The following TRAK2 variants were observed in gnomAD, a reference collection of about 807,000 sequenced individuals.
TRAK2 encodes trafficking kinesin-binding protein 2.
In TRAK2, 81 loss-of-function variants were observed where a neutral mutation model predicts 104.6. That is an observed-to-expected ratio of 0.77 (90% CI 0.65 to 0.93). The LOEUF (loss-of-function observed/expected upper bound fraction) is 0.93, where lower values mean the gene tolerates loss of function less well. Ranked by LOEUF, TRAK2 falls within the 40% of genes least tolerant of loss-of-function variation. TRAK2 has a pLI of 0.00. For synonymous variants in TRAK2, 406 were observed against 394.4 expected (o/e 1.03, Z -0.35); for missense variants, 1,002 against 1,089.0 (o/e 0.92, Z 1.12).
At chr2:201,405,738 A>G (rs1951587902) in intron 3 of TRAK2, among the ~76,000 whole-genome samples, 1 of 152,138 alleles carries the variant, frequency 6.6e-6, no homozygotes, top group African/African-American at 2.4e-5. Context: ...TAATCCCAGC[A>G]CTCTGGGAGG....
chr2:201,385,458 G>A (rs767143676), intron 14 of TRAK2, among the ~76,000 whole-genome samples: 31 of 151,888 alleles, frequency 2.0e-4, no homozygotes, highest in African/African-American at 7.5e-4. Flanking sequence ...TTACAGGTGT[G>A]AGCTACCACA....
chr2:201,413,843 T>C (rs1250174998), intron 2 of TRAK2, among the ~76,000 whole-genome samples: 4 of 152,260 alleles, frequency 2.6e-5, no homozygotes, highest in South Asian at 4.2e-4. Context: ...CAACATACAG[T>C]ATTAGTCCTA....
chr2:201,421,619 T>TC lies in TRAK2; in HGVS notation c.-199-914dup, dbSNP rs576022240. ...TGAGAACCACTGATAAAACAGATGC[T>TC]CAACTTCACTCACAATTAAAACAAA... On this transcript the variant is annotated intron_variant, in intron 1 of 15. Transcript: ENST00000332624. Among the ~76,000 whole-genome samples the TC allele has an allele frequency of 4.3e-3, 651 of 152,148 alleles. 3 individuals carry two copies. The highest frequency in any genetic ancestry group is 7.2e-3 in the Non-Finnish European group (487 of 68,006).
intron 1 of TRAK2, among the ~76,000 whole-genome samples, chr2:201,445,125 G>A (rs1314853328): frequency 2.0e-5 from 3 of 152,090 alleles, no homozygotes; most frequent in African/African-American, 4.8e-5. Flanking sequence ...GACTTTGTAC[G>A]CTCATTTTCT....
chr2:201,421,586 T>A (rs1439241677), intron 1 of TRAK2, among the ~76,000 whole-genome samples: 1 of 152,044 alleles, frequency 6.6e-6, no homozygotes, highest in African/African-American at 2.4e-5. Context: ...GCAAAATTCA[T>A]CCCTGGTTGA....
intron 15 of TRAK2, among the ~76,000 whole-genome samples, chr2:201,383,728 A>T (rs1346220521): frequency 6.6e-6 from 1 of 152,210 alleles, no homozygotes; most frequent in Non-Finnish European, 1.5e-5. Context: ...TGAACCTGAA[A>T]GTGGTTTTGG....
intron 3 of TRAK2, among the ~76,000 whole-genome samples, chr2:201,404,303 T>C (rs1576516891): frequency 6.6e-6 from 1 of 152,324 alleles, no homozygotes; most frequent in African/African-American, 2.4e-5. Context: ...TGTTAAATGA[T>C]ACAGAAATTA....
intron 1 of TRAK2, among the ~76,000 whole-genome samples, chr2:201,431,759 G>A (rs1356767733): frequency 6.6e-6 from 1 of 152,334 alleles, no homozygotes; most frequent in South Asian, 2.1e-4. Context: ...GCCTACCTCA[G>A]TGGTTAAGAA....
intron 4 of TRAK2, 33 bp downstream of exon 4, chr2:201,400,984 CT>C: frequency 1.3e-6 from 2 of 1,553,410 alleles, no homozygotes; most frequent in Non-Finnish European, 1.8e-6. Context: ...CAAGTTTTAC[CT>C]TTTTGTACTG....
At position 201,407,173 on chromosome 2, in the gene TRAK2, C is replaced by T. The variant is rs370760732; in HGVS notation, c.286+230G>A. On this transcript the variant is annotated intron_variant, in intron 3 of 15. Coordinates refer to ENST00000332624, the MANE Select transcript of TRAK2 (RefSeq NM_015049.3). ...TCAGTCTGAGGAAAATATCAAGTAA[C>T]GAAAACGTCTAAGTATGTTTGCAAC... Among the ~76,000 whole-genome samples, 4 of 152,192 alleles carry T rather than the reference C, an allele frequency of 2.6e-5. No homozygotes were observed. In the South Asian group the frequency reaches 6.2e-4, roughly 24 times the overall value.
intron 14 of TRAK2, among the ~76,000 whole-genome samples, chr2:201,385,126 A>T (rs971639803): frequency 1.3e-5 from 2 of 152,212 alleles, no homozygotes; most frequent in African/African-American, 4.8e-5. Flanking sequence ...CACCACTGAA[A>T]GCATGAACAT....
chr2:201,424,538 TG>T (rs1951770018), intron 1 of TRAK2, among the ~76,000 whole-genome samples: 1 of 152,014 alleles, frequency 6.6e-6, no homozygotes, highest in South Asian at 2.1e-4. Context: ...ATCTAGTGCA[TG>T]GTCAGCAAAT....
Position 201,380,801 on chromosome 2 carries a change from C to T in TRAK2, c.2487G>A (p.Gln829=). The change falls in exon 16 of 16, where the codon CAG becomes CAA. Residue 829 remains glutamine, a synonymous_variant. Transcript: ENST00000332624. ...RPSRNPPDVG[Q]LKMNLVDRLK... ...GCCTGTCCACTAAGTTCATCTTCAA[C>T]TGGCCAACATCAGGAGGGTTCCGGG... 6.2e-7 allele frequency: 1 copy of T among 1,614,128 alleles called. No individual in the cohort carries two copies. Among genetic ancestry groups the T allele is most frequent in the South Asian group, 1.1e-5 (1 of 91,082 alleles).
chr2:201,438,824 A>C (rs1303567984), intron 1 of TRAK2, among the ~76,000 whole-genome samples: 1 of 152,226 alleles, frequency 6.6e-6, no homozygotes, highest in Non-Finnish European at 1.5e-5. Context: ...GGGTGTATTT[A>C]CAGTGAGGCA....
chr2:201,427,163 G>A (rs1951795998), intron 1 of TRAK2, among the ~76,000 whole-genome samples: 1 of 152,088 alleles, frequency 6.6e-6, no homozygotes, highest in African/African-American at 2.4e-5. Context: ...CTGATAAAAA[G>A]ATGATGTCTT....
intron 1 of TRAK2, among the ~76,000 whole-genome samples, chr2:201,443,915 T>C (rs924135176): frequency 6.6e-6 from 1 of 152,076 alleles, no homozygotes; most frequent in Non-Finnish European, 1.5e-5. Context: ...TTAAAAAAAA[T>C]CCAGGGCGGC....
intron 4 of TRAK2, among the ~76,000 whole-genome samples, chr2:201,399,941 C>T (rs991719090): frequency 2.0e-5 from 3 of 151,868 alleles, no homozygotes; most frequent in Non-Finnish European, 2.9e-5. Context: ...GGATCAGGTA[C>T]GTATGTAAAA....
intron 11 of TRAK2, 31 bp downstream of exon 11, chr2:201,389,770 T>C (rs1951428100): frequency 6.5e-7 from 1 of 1,539,244 alleles, no homozygotes; most frequent in African/African-American, 1.4e-5. Context: ...ATTCCAATGA[T>C]TGAGTAACAA....
At chr2:201,445,291 TAAC>T (rs1392956672) in intron 1 of TRAK2, among the ~76,000 whole-genome samples, 1 of 152,132 alleles carries the variant, frequency 6.6e-6, no homozygotes, top group Admixed American at 6.5e-5. Flanking sequence ...TGACCTCAAT[TAAC>T]AACTGGTCAA....
Sources: allele counts gnomAD v4.1 joint callset (sites outside exome capture counted in the v4.1 genomes callset), GRCh38; gene constraint gnomAD v4.1.1; transcripts MANE v1.5; gene names NCBI Gene and HGNC (gene_info 2026-07-23, HGNC 2026-07-21).